PON1: variants seen among roughly 807,000 people sequenced by gnomAD.
PON1 encodes serum paraoxonase/arylesterase 1.
In PON1, 37 loss-of-function variants were observed where a neutral mutation model predicts 39.2. That is an observed-to-expected ratio of 0.94 (90% confidence interval 0.73 to 1.24). The LOEUF is 1.24. Among genes scored for constraint, PON1 ranks in the 50% most tolerant of loss-of-function variants. The pLI, the probability that PON1 is intolerant of heterozygous loss-of-function variation, is 0.00. For missense variants in PON1, 397 were observed against 413.5 expected, an observed-to-expected ratio of 0.96 and a Z score of 0.35; for synonymous variants, 148 against 152.2, an observed-to-expected ratio of 0.97 and a Z score of 0.21.
At chr7:95,319,816 G>T (rs907841099) in intron 1 of PON1, among the ~76,000 whole-genome samples, 1 of 152,114 alleles carries the variant, frequency 6.6e-6, no homozygotes, top group East Asian at 1.9e-4. Context: ...ATTTTATATG[G>T]TGCGAACACC....
At chr7:95,307,093 C>T (rs1028388014) in intron 6 of PON1, among the ~76,000 whole-genome samples, 22 of 149,368 alleles carry the variant, frequency 1.5e-4, no homozygotes, top group African/African-American at 2.0e-4. Flanking sequence ...CAGAGTCTTG[C>T]TCTGTCACCC....
chr7:95,313,600 A>G (rs1807700918), intron 4 of PON1, among the ~76,000 whole-genome samples: 1 of 145,662 alleles, frequency 6.9e-6, no homozygotes, highest in African/African-American at 2.6e-5. Context: ...AAGTCCATTG[A>G]AAGGGATATA....
intron 4 of PON1, among the ~76,000 whole-genome samples, chr7:95,313,618 A>ATGTG (rs3046663): frequency 0.079 from 11,564 of 147,104 alleles, 443 homozygotes; most frequent in East Asian, 0.11. Flanking sequence ...ATATATGTAT[A>ATGTG]TGTGTGTGTG....
At chr7:95,309,207 T>C (rs556228714) in intron 5 of PON1, among the ~76,000 whole-genome samples, 3 of 152,056 alleles carry the variant, frequency 2.0e-5, no homozygotes, top group Non-Finnish European at 2.9e-5. Flanking sequence ...GGATCTTAAT[T>C]TGTGGAGTTG....
Position 95,298,559 on chromosome 7 carries a change from C to A in PON1, c.*385G>T. 1 of 344,732 alleles carries A rather than the reference C, an allele frequency of 2.9e-6. No homozygotes were observed. Among genetic ancestry groups the A allele is most frequent in the Non-Finnish European group, 5.7e-6 (1 of 176,314 alleles). 21.4% of individuals were successfully genotyped at this position (344,732 alleles called of 1,614,324 possible). On this transcript the variant is annotated 3_prime_UTR_variant, in exon 9 of 9. Transcript: ENST00000222381. ...TAAAGACACGTGAGCTAACCCTGCTCCCCTGTGTCTTCTGAACAAGACATG... is the reference window on the plus strand; with the variant it reads ...TAAAGACACGTGAGCTAACCCTGCTACCCTGTGTCTTCTGAACAAGACATG...
At chr7:95,323,386 G>T (rs887137669) in intron 1 of PON1, among the ~76,000 whole-genome samples, 3 of 151,974 alleles carry the variant, frequency 2.0e-5, no homozygotes, top group African/African-American at 7.3e-5. Flanking sequence ...AATACCAACT[G>T]CTTCTTACTT....
intron 7 of PON1, among the ~76,000 whole-genome samples, chr7:95,302,606 C>A: frequency 6.6e-6 from 1 of 151,064 alleles, no homozygotes; most frequent in Admixed American, 6.6e-5. Context: ...TCATTTGTAC[C>A]AACATCTGTG....
chr7:95,314,087 G>A (rs908543646), intron 4 of PON1, among the ~76,000 whole-genome samples: 3 of 151,906 alleles, frequency 2.0e-5, no homozygotes, highest in African/African-American at 4.8e-5. Context: ...GGCTGGGCGC[G>A]GTGGCTCACA....
intron 8 of PON1, 108 bp from the exon 9 acceptor site, chr7:95,299,210 GATAA>G: frequency 8.3e-7 from 1 of 1,205,092 alleles, no homozygotes; most frequent in Non-Finnish European, 1.2e-6. Context: ...TATACAATGA[GATAA>G]ATCCTATTTT....
intron 4 of PON1, among the ~76,000 whole-genome samples, chr7:95,313,416 T>C (rs539230748): frequency 6.6e-6 from 1 of 152,328 alleles, no homozygotes; most frequent in Admixed American, 6.5e-5. Flanking sequence ...ATGTGCTATA[T>C]ATAAAGGAGT....
chr7:95,315,779 G>A (rs753390816), intron 3 of PON1, among the ~76,000 whole-genome samples: 6 of 152,152 alleles, frequency 3.9e-5, no homozygotes, highest in Admixed American at 1.3e-4. Flanking sequence ...AAAAATGGAA[G>A]AGCAGACCAA....
At chr7:95,319,131 C>CTTTTTTTT (rs369225812) in intron 1 of PON1, among the ~76,000 whole-genome samples, 5 of 138,352 alleles carry the variant, frequency 3.6e-5, no homozygotes, top group South Asian at 2.3e-4. Flanking sequence ...AAACAATAAA[C>CTTTTTTTT]TTTTTTTTTT....
In PON1 at chr7:95,311,229, C is replaced by A. The variant is rs960544705; in HGVS notation, c.497+222G>T. On this transcript the variant is annotated intron_variant, in intron 5 of 8. Transcript: ENST00000222381. ...TGAATGGAGATCCTGAGGCCAGGAG[C>A]CAGCATCCAATCAGCTCGAGAAACA... 3.3e-5 allele frequency among the ~76,000 whole-genome samples: 5 copies of A among 152,184 alleles called. 1 individual carries two copies. The South Asian group carries it at 1.0e-3, about 32-fold the overall frequency.
chr7:95,302,179 T>G, intron 8 of PON1, 26 bp downstream of exon 8: 1 of 1,562,270 alleles, frequency 6.4e-7, no homozygotes, highest in Non-Finnish European at 8.7e-7. Context: ...ATAAAGTCAC[T>G]TATCTGGTTC....
At chr7:95,302,743 C>A (rs1233183647) in intron 7 of PON1, among the ~76,000 whole-genome samples, 1 of 152,122 alleles carries the variant, frequency 6.6e-6, no homozygotes, top group Non-Finnish European at 1.5e-5. Flanking sequence ...TAGATTCTTT[C>A]TCAGAAGAAT....
intron 8 of PON1, 82 bp downstream of exon 8, chr7:95,302,123 C>CAAAAAAAAAAAAAAAAAAAAAAAAAAA (rs1198986302): frequency 4.3e-6 from 2 of 460,342 alleles, no homozygotes; most frequent in Admixed American, 4.8e-5. Context: ...AAAAAAAAAC[C>CAAAAAAAAAAAAAAAAAAAAAAAAAAA]AAGAATTGAG....
At chr7:95,305,078 G>A (rs1807511728) in intron 7 of PON1, among the ~76,000 whole-genome samples, 1 of 152,168 alleles carries the variant, frequency 6.6e-6, no homozygotes, top group Non-Finnish European at 1.5e-5. Context: ...AACTAGCCCT[G>A]CCAGTGATTT....
intron 8 of PON1, among the ~76,000 whole-genome samples, chr7:95,299,934 G>GAACT (rs1310449080): frequency 5.3e-5 from 8 of 152,192 alleles, no homozygotes; most frequent in Admixed American, 2.0e-4. Flanking sequence ...GTAAGCCAGG[G>GAACT]AACTAACTGG....
In PON1 at chr7:95,320,694, T is replaced by C. The variant is rs1258433261; in HGVS notation, c.75-2301A>G. On this transcript the variant is annotated intron_variant, in intron 1 of 8. Transcript: ENST00000222381. ...AGAACACTGCTTAAAAGCTGGAAGA[T>C]GCACCTGAAAATTGACCCACCTGTG... is the stretch of plus-strand genomic sequence containing the variant. Among the ~76,000 whole-genome samples, 3 of 152,306 alleles carry C rather than the reference T, an allele frequency of 2.0e-5. No homozygotes were observed. The East Asian group carries it at 5.8e-4, about 29-fold the overall frequency.
Sources: allele counts gnomAD v4.1 joint callset (sites outside exome capture counted in the v4.1 genomes callset), GRCh38; gene constraint gnomAD v4.1.1; transcripts MANE v1.5; gene names NCBI Gene and HGNC (gene_info 2026-07-23, HGNC 2026-07-21).